SEMA3F: variants seen among roughly 807,000 people sequenced by gnomAD.
SEMA3F encodes the protein semaphorin 3F.
Under a neutral mutation model 98.5 loss-of-function variants are expected in SEMA3F, and 30 were observed. The ratio of observed to expected loss-of-function variants is 0.30; its 90% CI spans 0.23 to 0.41. The LOEUF is 0.41. Ranked by LOEUF, SEMA3F falls within the 10% of genes least tolerant of loss-of-function variation. The probability of loss-of-function intolerance (pLI) is 1.00; values close to 1 mark genes in which losing one functional copy is unlikely to be tolerated. For missense variants in SEMA3F, 866 were observed against 1,119.3 expected, an observed-to-expected ratio of 0.77 and a Z score of 3.23; for synonymous variants, 380 against 444.8, an observed-to-expected ratio of 0.85 and a Z score of 1.83.
intron 2 of SEMA3F, among the ~76,000 whole-genome samples, chr3:50,164,332 A>C (rs1698324505): frequency 6.6e-6 from 1 of 152,216 alleles, no homozygotes; most frequent in Non-Finnish European, 1.5e-5. Context: ...ACTGCTTCGT[A>C]ATCGTAAAGA....
At position 50,183,206 on chromosome 3, in the gene SEMA3F, A is replaced by T; in HGVS notation, c.1039A>T (p.Thr347Ser). The change falls in exon 11 of 19, where the codon ACC becomes TCC. Residue 347 changes from threonine (T) to serine (S), a missense_variant. Transcript: ENST00000002829. ...DELQDVFVQQ[T>S]QDVRNPVIYA... is the part of the protein sequence containing the mutation. ...CCCAGAGGACGTGTTTGTCCAGCAG[A>T]CCCAGGACGTGAGGAACCCTGTCAT... 4 of 1,614,026 alleles carry T rather than the reference A, an allele frequency of 2.5e-6. No individual in the cohort carries two copies. The highest frequency in any genetic ancestry group is 2.5e-6 in the Non-Finnish European group (3 of 1,179,988).
intron 12 of SEMA3F, 129 bp downstream of exon 12, chr3:50,183,693 C>T: frequency 3.1e-6 from 3 of 955,904 alleles, no homozygotes; most frequent in Non-Finnish European, 3.2e-6. Flanking sequence ...CTGTAATGCA[C>T]ACACAGACGG....
Position 50,166,289 on chromosome 3 carries a change from G to C in SEMA3F, c.112+6555G>C, listed in dbSNP as rs537389653. Among the ~76,000 whole-genome samples the C allele has an allele frequency of 1.3e-5, 2 of 152,308 alleles. No homozygotes were observed. The highest frequency in any genetic ancestry group is 2.9e-5 in the Non-Finnish European group (2 of 68,034). ...GAGTCCACTGCCTCGTGTGTCTGCT[G>C]TTCAGCCAGCACGGTTGCCTTCTAA... On this transcript the variant is annotated intron_variant, in intron 2 of 18. Coordinates refer to ENST00000002829, the MANE Select transcript of SEMA3F (RefSeq NM_004186.5). This position sits in a 1 kb window ranked among gnomAD's most constrained non-coding sequence, Gnocchi z 4.7.
At position 50,175,224 on chromosome 3, in the gene SEMA3F, A is replaced by T. The variant is rs750634401; in HGVS notation, c.549+36A>T. ...TCCCTCCAGGCCTTTGCCAGGCAGC[A>T]CTGCCTCTGAGCGGAACTCACCCTG... On this transcript the variant is annotated intron_variant, in intron 6 of 18. Coordinates refer to ENST00000002829, the MANE Select transcript of SEMA3F (RefSeq NM_004186.5). 3 of 1,432,070 alleles carry T rather than the reference A, an allele frequency of 2.1e-6. No individual in the cohort carries two copies. The African/African-American group carries it at 4.2e-5, about 20-fold the overall frequency. 88.7% of individuals were successfully genotyped at this position (1,432,070 alleles called of 1,614,324 possible).
At chr3:50,171,699 TG>T (rs1698611214) in intron 2 of SEMA3F, among the ~76,000 whole-genome samples, 1 of 152,150 alleles carries the variant, frequency 6.6e-6, no homozygotes, top group South Asian at 2.1e-4. Flanking sequence ...CTGTTGTCAC[TG>T]TGGGTGAGCA....
chr3:50,174,199 G>A, intron 4 of SEMA3F, 32 bp from the exon 5 acceptor site: 1 of 1,613,670 alleles, frequency 6.2e-7, no homozygotes, highest in Non-Finnish European at 8.5e-7. Flanking sequence ...GGCCTGGCCA[G>A]GGCACCTATG....
intron 2 of SEMA3F, among the ~76,000 whole-genome samples, chr3:50,169,300 CG>C (rs1422880181): frequency 6.6e-6 from 1 of 152,138 alleles, no homozygotes; most frequent in Non-Finnish European, 1.5e-5. Flanking sequence ...TATGAGGGAC[CG>C]GGGGCCCCCA....
chr3:50,186,889 A>G, intron 18 of SEMA3F, 143 bp downstream of exon 18: 4 of 914,332 alleles, frequency 4.4e-6, no homozygotes, highest in Non-Finnish European at 4.7e-6. Flanking sequence ...CTTTGAGTGA[A>G]AACAGTTACA....
Position 50,166,896 on chromosome 3 carries a change from T to C in SEMA3F, c.113-6897T>C, listed in dbSNP as rs1698425731. Among the ~76,000 whole-genome samples the C allele has an allele frequency of 6.6e-6, 1 of 151,968 alleles. No homozygotes were observed. Among genetic ancestry groups the C allele is most frequent in the Admixed American group, 6.6e-5 (1 of 15,252 alleles). On this transcript the variant is annotated intron_variant, in intron 2 of 18. Coordinates refer to ENST00000002829, the MANE Select transcript of SEMA3F (RefSeq NM_004186.5). This position sits in a 1 kb window ranked among gnomAD's most constrained non-coding sequence, Gnocchi z 4.7. ...AGGGGTTTCCGGGCCAGGTCTGGAA[T>C]GTGGGAGGAGGAGGTGGGTCCCCCG...
At chr3:50,186,957 C>G (rs1699243955) in intron 18 of SEMA3F, among the ~76,000 whole-genome samples, 1 of 152,176 alleles carries the variant, frequency 6.6e-6, no homozygotes, top group Non-Finnish European at 1.5e-5. Context: ...TATGCCTGTT[C>G]ACATGAAAAT....
chr3:50,178,189 C>T (rs1698889544), intron 7 of SEMA3F, among the ~76,000 whole-genome samples: 1 of 151,898 alleles, frequency 6.6e-6, no homozygotes, highest in African/African-American at 2.4e-5. Flanking sequence ...TTGCAGTGAG[C>T]TGAGATCGTG....
chr3:50,159,357 C>T (rs1181183590), intron 1 of SEMA3F: 1 of 432,114 alleles, frequency 2.3e-6, no homozygotes, highest in Non-Finnish European at 4.0e-6. Context: ...CCAGCAGCCC[C>T]CATCAGTTCT....
At position 50,183,714 on chromosome 3, in the gene SEMA3F, ACAGTGTCAAGCTGTGGAGGAGCC is replaced by A. The variant is rs1699103479; in HGVS notation, c.1233+154_1233+176del. ...TGCACACACAGACGGGCCTTCACAC[ACAGTGTCAAGCTGTGGAGGAGCC>A]CAGATGGGATTCTGGGACAAAGATG... On this transcript the variant is annotated intron_variant, in intron 12 of 18. Transcript: ENST00000002829. The A allele has an allele frequency of 2.7e-5, 22 of 807,454 alleles. No homozygotes were observed. The South Asian group carries it at 3.7e-4, about 13-fold the overall frequency. 50.0% of individuals were successfully genotyped at this position (807,454 alleles called of 1,614,324 possible).
Position 50,186,008 on chromosome 3 carries a change from T to C in SEMA3F, c.1707T>C (p.Asp569=). The C allele has an allele frequency of 1.2e-6, 2 of 1,613,940 alleles. No individual in the cohort carries two copies. The highest frequency in any genetic ancestry group is 1.7e-6 in the Non-Finnish European group (2 of 1,179,892). The change falls in exon 16 of 19, where the codon GAT becomes GAC. Residue 569 remains aspartate, a synonymous_variant. Coordinates refer to ENST00000002829, the MANE Select transcript of SEMA3F (RefSeq NM_004186.5). ...CCCGGGACCCTTACTGTGCCTGGGATGGCCAGGCCTGCTCCCGCTATACAG... is the reference window on the plus strand; with the variant it reads ...CCCGGGACCCTTACTGTGCCTGGGACGGCCAGGCCTGCTCCCGCTATACAG... The part of the protein sequence containing the change: ...CLARDPYCAW[D]GQACSRYTAS...
intron 17 of SEMA3F, 67 bp downstream of exon 17, chr3:50,186,415 T>A (rs955383216): frequency 2.9e-5 from 44 of 1,529,394 alleles, no homozygotes; most frequent in Non-Finnish European, 4.0e-5. Context: ...CCCACGAAGC[T>A]GCTCACAGGG....
intron 2 of SEMA3F, among the ~76,000 whole-genome samples, chr3:50,162,696 G>A (rs927751090): frequency 6.6e-6 from 1 of 152,166 alleles, no homozygotes; most frequent in Admixed American, 6.5e-5. Context: ...TCAGCCTGGG[G>A]AGTGTTTACT....
chr3:50,173,878 C>T lies in SEMA3F; in HGVS notation c.198C>T (p.His66=), dbSNP rs569980926. The T allele has an allele frequency of 9.9e-6, 16 of 1,614,192 alleles. No homozygotes were observed. Among genetic ancestry groups the T allele is most frequent in the South Asian group, 7.7e-5 (7 of 91,090 alleles). Residue 66 remains histidine, a synonymous_variant, in exon 3 of 19, where the codon CAC becomes CAT. Transcript: ENST00000002829. ...GAATCTTGCTCAAGGACGAGGACCA[C>T]GACCGCATGTACGTGGGCAGCAAGG... is the stretch of plus-strand genomic sequence containing the variant. ...DYRILLKDED[H]DRMYVGSKDY...
Position 50,163,443 on chromosome 3 carries a change from A to G in SEMA3F, c.112+3709A>G, listed in dbSNP as rs551752973. On this transcript the variant is annotated intron_variant, in intron 2 of 18. Transcript: ENST00000002829. Reference sequence around the variant, plus strand: ...CCTGGAGTTTGAGCCCTCCAGGCCAATAGCCCAGAACAGTGCCACCGCTCA... The same window carrying G: ...CCTGGAGTTTGAGCCCTCCAGGCCAGTAGCCCAGAACAGTGCCACCGCTCA... Among the ~76,000 whole-genome samples the G allele has an allele frequency of 1.2e-3, 190 of 152,356 alleles. 3 individuals are homozygous for G. Among genetic ancestry groups the G allele is most frequent in the African/African-American group, 3.8e-3 (157 of 41,590 alleles).
At chr3:50,181,128 A>G (rs1382482040) in intron 7 of SEMA3F, among the ~76,000 whole-genome samples, 1 of 152,010 alleles carries the variant, frequency 6.6e-6, no homozygotes, top group Non-Finnish European at 1.5e-5. Flanking sequence ...CAAAGTAAGC[A>G]TATGCTGTTG....
Sources: gnomAD v4.1 joint callset for allele counts (sites outside exome capture counted in the v4.1 genomes callset) on GRCh38, gnomAD v4.1.1 for gene constraint, Gnocchi (gnomAD v3.1) non-coding constraint, MANE v1.5 for transcripts, NCBI Gene and HGNC (gene_info 2026-07-23, HGNC 2026-07-21) for gene names.